FGL1: variants seen among roughly 807,000 people sequenced by gnomAD.
FGL1 encodes the protein fibrinogen like 1.
Under a neutral mutation model 43.7 loss-of-function variants are expected in FGL1, and 59 were observed. That is an observed-to-expected ratio of 1.35 (90% CI 1.10 to 1.68). The LOEUF is 1.68. Ranked by LOEUF, FGL1 falls within the 40% of genes most tolerant of loss-of-function variation. The pLI, the probability that FGL1 is intolerant of heterozygous loss-of-function variation, is 0.00. For missense variants in FGL1, 596 were observed against 373.0 expected, an observed-to-expected ratio of 1.60 and a Z score of -4.92; for synonymous variants, 192 against 126.5, an observed-to-expected ratio of 1.52 and a Z score of -3.48.
At chr8:17,888,424 C>G (rs911203793) in intron 1 of FGL1, among the ~76,000 whole-genome samples, 1 of 152,146 alleles carries the variant, frequency 6.6e-6, no homozygotes, top group African/African-American at 2.4e-5. Flanking sequence ...AAAACATTGA[C>G]TGCACTAAAG....
chr8:17,885,421 T>G, intron 2 of FGL1, 71 bp downstream of exon 2: 2 of 1,356,562 alleles, frequency 1.5e-6, no homozygotes, highest in Non-Finnish European at 2.1e-6. Flanking sequence ...ATAGGTTTAA[T>G]GCAAAATGAA....
At chr8:17,895,332 T>A in intron 1 of FGL1, 115 bp downstream of exon 1, 1 of 1,157,862 alleles carries the variant, frequency 8.6e-7, no homozygotes, top group Non-Finnish European at 1.1e-6. Flanking sequence ...CTAGTCAACC[T>A]GACTTCTTGC....
chr8:17,871,569 T>A (rs963799306), intron 5 of FGL1, among the ~76,000 whole-genome samples: 5 of 152,278 alleles, frequency 3.3e-5, no homozygotes, highest in African/African-American at 1.2e-4. Context: ...CATTGAAATG[T>A]CTCTTTGTTC....
rs753455937 is a variant in FGL1 at position 17,894,351 on chromosome 8, T to C, written c.-18+1096A>G. ...ATAACCTAAGTCAGTGAGTTAAAAA[T>C]GTACCCATAAACACAAGCTTAGAGA... is the stretch of plus-strand genomic sequence containing the variant. On this transcript the variant is annotated intron_variant, in intron 1 of 7. Transcript: ENST00000427924. Among the ~76,000 whole-genome samples, 15 of 147,240 alleles carry C rather than the reference T, an allele frequency of 1.0e-4. 3 individuals carry two copies. The highest frequency in any genetic ancestry group is 1.5e-4 in the Non-Finnish European group (10 of 67,720).
chr8:17,893,190 G>A (rs2053729693), intron 1 of FGL1, among the ~76,000 whole-genome samples: 1 of 152,058 alleles, frequency 6.6e-6, no homozygotes, highest in Non-Finnish European at 1.5e-5. Flanking sequence ...GACAGAGTGA[G>A]ACTCCATCTC....
chr8:17,876,643 A>T (rs955825088), intron 3 of FGL1, among the ~76,000 whole-genome samples: 1 of 152,214 alleles, frequency 6.6e-6, no homozygotes, highest in Admixed American at 6.5e-5. Context: ...ATAGTACAAC[A>T]CTTTTATTAA....
intron 1 of FGL1, chr8:17,895,211 T>A: frequency 2.4e-6 from 2 of 836,134 alleles, no homozygotes; most frequent in Non-Finnish European, 2.9e-6. Flanking sequence ...TCCTCATTTG[T>A]AATTCTAACA....
At chr8:17,875,065 A>G (rs191186892) in intron 3 of FGL1, among the ~76,000 whole-genome samples, 49 of 152,376 alleles carry the variant, frequency 3.2e-4, no homozygotes, top group Admixed American at 2.7e-3. Context: ...CCATGAAGCT[A>G]AAATGAAAGC....
intron 3 of FGL1, among the ~76,000 whole-genome samples, chr8:17,878,620 T>TA (rs1189364870): frequency 1.3e-5 from 2 of 152,094 alleles, no homozygotes; most frequent in Non-Finnish European, 2.9e-5. Context: ...CCAAATTCTT[T>TA]AAAAAAAGAT....
chr8:17,865,908 G>A (rs2053263307), intron 7 of FGL1, among the ~76,000 whole-genome samples: 1 of 152,138 alleles, frequency 6.6e-6, no homozygotes, highest in Admixed American at 6.6e-5. Flanking sequence ...CACTCCTACT[G>A]AGCGTTCTCG....
At chr8:17,865,230 C>T (rs756919195) in intron 7 of FGL1, among the ~76,000 whole-genome samples, 8 of 152,152 alleles carry the variant, frequency 5.3e-5, no homozygotes, top group Admixed American at 2.0e-4. Context: ...CAAACAAAAA[C>T]GCATCCTTGT....
intron 5 of FGL1, among the ~76,000 whole-genome samples, chr8:17,872,679 G>C (rs1373825676): frequency 6.6e-6 from 1 of 152,152 alleles, no homozygotes; most frequent in African/African-American, 2.4e-5. Context: ...GAAGGATTCA[G>C]GATCAGACTT....
chr8:17,883,258 A>G (rs1293804250), intron 2 of FGL1, among the ~76,000 whole-genome samples: 1 of 87,224 alleles, frequency 1.1e-5, no homozygotes, highest in Non-Finnish European at 1.9e-5. Context: ...AATATATATC[A>G]TATATAATAT....
At chr8:17,870,695 C>T (rs892686234) in intron 5 of FGL1, among the ~76,000 whole-genome samples, 1 of 152,130 alleles carries the variant, frequency 6.6e-6, no homozygotes, top group African/African-American at 2.4e-5. Flanking sequence ...ATTACAAGGT[C>T]AGGAGATCGA....
intron 7 of FGL1, among the ~76,000 whole-genome samples, chr8:17,866,127 T>C (rs2053266243): frequency 6.6e-6 from 1 of 152,218 alleles, no homozygotes; most frequent in Non-Finnish European, 1.5e-5. Flanking sequence ...TGGTCTATCA[T>C]TTGAATCCCA....
chr8:17,877,757 T>G (rs763323594), intron 3 of FGL1, among the ~76,000 whole-genome samples: 1 of 152,230 alleles, frequency 6.6e-6, no homozygotes, highest in Non-Finnish European at 1.5e-5. Flanking sequence ...GCATTTATCC[T>G]TTGTGTTACA....
At chr8:17,885,421 T>A in intron 2 of FGL1, 71 bp downstream of exon 2, 1 of 1,356,562 alleles carries the variant, frequency 7.4e-7, no homozygotes, top group African/African-American at 1.5e-5. Flanking sequence ...ATAGGTTTAA[T>A]GCAAAATGAA....
intron 1 of FGL1, among the ~76,000 whole-genome samples, chr8:17,892,802 T>C (rs552653504): frequency 6.6e-6 from 1 of 152,384 alleles, no homozygotes; most frequent in South Asian, 2.1e-4. Flanking sequence ...TTCTAGACTT[T>C]GCTTTAATGT....
rs2053439063 is a variant in FGL1, at chr8:17,875,542, T to TC, written c.245-1022_245-1021insG. Among the ~76,000 whole-genome samples, 92 of 14,264 alleles carry TC rather than the reference T, an allele frequency of 6.4e-3. 3 individuals carry two copies. The highest frequency in any genetic ancestry group is 0.015 in the African/African-American group (74 of 4,878). 9.4% of individuals were successfully genotyped at this position (14,264 alleles called of 152,430 possible). ...TTCTTTCTTTCTTTCTTTCTCTTTC[T>TC]TTCTTTCTTTCTTTCTTTCTTTCTT... is the stretch of plus-strand genomic sequence containing the variant. On this transcript the variant is annotated intron_variant, in intron 3 of 7. Transcript: ENST00000427924.
Sources: allele counts gnomAD v4.1 joint callset (sites outside exome capture counted in the v4.1 genomes callset), GRCh38; gene constraint gnomAD v4.1.1; transcripts MANE v1.5; gene names NCBI Gene and HGNC (gene_info 2026-07-23, HGNC 2026-07-21).